The following SAMD5 variants were observed in gnomAD, a reference collection of about 807,000 sequenced individuals.
The protein encoded by SAMD5 is sterile alpha motif domain-containing protein 5.
In SAMD5, 13 loss-of-function variants were observed where a neutral mutation model predicts 11.3. That is an observed-to-expected ratio of 1.15 (90% confidence interval 0.75 to 1.83). The LOEUF (loss-of-function observed/expected upper bound fraction) is 1.83. Among genes scored for constraint, SAMD5 ranks in the 40% most tolerant of loss-of-function variants. The probability of loss-of-function intolerance (pLI) is 0.00; values close to 1 mark genes in which losing one functional copy is unlikely to be tolerated. For synonymous variants in SAMD5, 129 were observed against 111.3 expected, an observed-to-expected ratio of 1.16 and a Z score of -1.00; for missense variants, 255 against 239.1, an observed-to-expected ratio of 1.07 and a Z score of -0.44.
the SAMD5 span, among the ~76,000 whole-genome samples, chr6:147,865,739 A>T: frequency 2.0e-5 from 3 of 152,136 alleles, no homozygotes; most frequent in African/African-American, 7.2e-5. Flanking sequence ...TGTCCACTTC[A>T]GGGGTATTTT....
the SAMD5 span, among the ~76,000 whole-genome samples, chr6:147,928,158 G>T: frequency 6.6e-6 from 1 of 152,128 alleles, no homozygotes; most frequent in African/African-American, 2.4e-5. Flanking sequence ...CCAGGTTTTT[G>T]AATCAGGATG....
At chr6:147,759,542 T>C in the SAMD5 span, among the ~76,000 whole-genome samples, 459 of 151,524 alleles carry the variant, frequency 3.0e-3, 3 homozygotes, top group African/African-American at 0.011. Flanking sequence ...GTAAGATATA[T>C]ATGTATATAT....
Position 147,695,911 on chromosome 6 carries a change from A to C in SAMD5, c.163-41406A>C, listed in dbSNP as rs530666150. Reference sequence around the variant, plus strand: ...ACAGAGAAAACTTCTTCTTCCCCTTAATTCACCTCTTCTTTATCTTTCAGA... The same window carrying C: ...ACAGAGAAAACTTCTTCTTCCCCTTCATTCACCTCTTCTTTATCTTTCAGA... On this transcript the variant is annotated intron_variant, in intron 1 of 1. Transcript: ENST00000566741. 3.8e-4 allele frequency among the ~76,000 whole-genome samples: 58 copies of C among 152,322 alleles called. 1 individual carries two copies. Among genetic ancestry groups the C allele is most frequent in the African/African-American group, 1.4e-3 (57 of 41,570 alleles).
downstream of SAMD5, among the ~76,000 whole-genome samples, chr6:147,574,065 T>C (rs962188710): frequency 6.6e-6 from 1 of 151,954 alleles, no homozygotes; most frequent in Non-Finnish European, 1.5e-5. Context: ...GAGGCGGAGC[T>C]TGCAGTGAGC....
chr6:147,768,684 G>A, the SAMD5 span, among the ~76,000 whole-genome samples: 1 of 152,082 alleles, frequency 6.6e-6, no homozygotes, highest in South Asian at 2.1e-4. Context: ...ATCTAGATGG[G>A]GTACAGTGTG....
chr6:147,727,308 C>T (rs774411740), intron 1 of SAMD5, among the ~76,000 whole-genome samples: 89 of 152,302 alleles, frequency 5.8e-4, no homozygotes, highest in Middle Eastern at 3.4e-3. Context: ...GGAGCAGCAA[C>T]GTTTCCTCCT....
rs1791357362 is a variant in SAMD5 at position 147,708,655 on chromosome 6, A to T, written c.163-28662A>T. ...AGATGTGGAAGTTAGGTTTGGAAGGAAATTCAGGTAAGTTTCTTTTTATTT... is the reference window on the plus strand; with the variant it reads ...AGATGTGGAAGTTAGGTTTGGAAGGTAATTCAGGTAAGTTTCTTTTTATTT... On this transcript the variant is annotated intron_variant, in intron 1 of 1. Transcript: ENST00000566741. 2.0e-5 allele frequency among the ~76,000 whole-genome samples: 3 copies of T among 152,232 alleles called. No homozygotes were observed. The South Asian group carries it at 6.2e-4, about 31-fold the overall frequency.
At chr6:147,693,788 G>A (rs1315250778) in intron 1 of SAMD5, among the ~76,000 whole-genome samples, 3 of 152,002 alleles carry the variant, frequency 2.0e-5, no homozygotes, top group Admixed American at 6.6e-5. Flanking sequence ...GGCCAAAATG[G>A]TGAAACCTCA....
At chr6:147,859,540 G>A in the SAMD5 span, among the ~76,000 whole-genome samples, 97 of 152,262 alleles carry the variant, frequency 6.4e-4, 1 homozygote, top group African/African-American at 1.6e-3. Flanking sequence ...GTGAGTAGGC[G>A]AAACATTAGT....
the SAMD5 span, among the ~76,000 whole-genome samples, chr6:147,773,574 A>G: frequency 6.6e-6 from 1 of 152,192 alleles, no homozygotes; most frequent in Non-Finnish European, 1.5e-5. Context: ...GCTTCCTGAT[A>G]TGCAGATAGC....
chr6:147,851,390 A>G, the SAMD5 span, among the ~76,000 whole-genome samples: 1 of 152,228 alleles, frequency 6.6e-6, no homozygotes, highest in African/African-American at 2.4e-5. Context: ...ATCCACTGGC[A>G]GTCTTAGAAC....
chr6:147,735,362 C>CT (rs895323937), intron 1 of SAMD5, among the ~76,000 whole-genome samples: 3 of 152,100 alleles, frequency 2.0e-5, no homozygotes, highest in Non-Finnish European at 4.4e-5. Context: ...TCGGAAATGA[C>CT]TTTTTTGTGT....
chr6:147,818,069 G>A, the SAMD5 span, among the ~76,000 whole-genome samples: 1 of 152,134 alleles, frequency 6.6e-6, no homozygotes. Context: ...ATCACATTAA[G>A]GTGTATTGTG....
At chr6:147,948,864 G>A in the SAMD5 span, among the ~76,000 whole-genome samples, 162 of 152,200 alleles carry the variant, frequency 1.1e-3, no homozygotes, top group South Asian at 3.3e-3. Flanking sequence ...CTCTTGAAAC[G>A]TTCAAAAGAC....
the SAMD5 span, among the ~76,000 whole-genome samples, chr6:147,744,732 T>C: frequency 6.6e-6 from 1 of 152,082 alleles, no homozygotes; most frequent in Admixed American, 6.6e-5. Context: ...AACCTGTCTC[T>C]ACTAAGAATA....
At chr6:147,550,332 G>C (rs1788750539) in intron 1 of SAMD5, among the ~76,000 whole-genome samples, 1 of 152,106 alleles carries the variant, frequency 6.6e-6, no homozygotes, top group African/African-American at 2.4e-5. Context: ...AATCTCTATG[G>C]AAAACAGTAC....
At chr6:147,867,279 GTTT>G in the SAMD5 span, among the ~76,000 whole-genome samples, 455 of 115,398 alleles carry the variant, frequency 3.9e-3, 1 homozygote, top group Middle Eastern at 0.01. Context: ...GGTCAAAAAG[GTTT>G]TTTTTTTTTT....
chr6:147,660,060 A>G (rs978469137), intron 1 of SAMD5, among the ~76,000 whole-genome samples: 1 of 152,174 alleles, frequency 6.6e-6, no homozygotes, highest in African/African-American at 2.4e-5. Flanking sequence ...GCCATTAACA[A>G]CATTGACAGG....
rs1256529672 is a variant in SAMD5 at position 147,565,698 on chromosome 6, G to A, written c.*1242G>A. 1.2e-6 allele frequency: 1 copy of A among 859,502 alleles called. No homozygotes were observed. Among genetic ancestry groups the A allele is most frequent in the African/African-American group, 1.8e-5 (1 of 54,728 alleles). 53.2% of individuals were successfully genotyped at this position (859,502 alleles called of 1,614,324 possible). A position where few individuals can be genotyped will look rare whatever the true frequency, so the allele number is the denominator to read the frequency against. ...TGTTCTTGAACTCCTGGCCTCAAAT[G>A]ATCCACTCGCCGTGGCCTCCAGTAG... is the stretch of plus-strand genomic sequence containing the variant. On this transcript the variant is annotated 3_prime_UTR_variant, in exon 2 of 2. Transcript: ENST00000367474.
Sources: allele counts gnomAD v4.1 joint callset (sites outside exome capture counted in the v4.1 genomes callset), GRCh38; gene constraint gnomAD v4.1.1; transcripts MANE v1.5; gene names NCBI Gene and HGNC (gene_info 2026-07-23, HGNC 2026-07-21).